Variants in RIPOR2 observed in about 807,000 individuals in gnomAD.
RIPOR2 encodes RHO family interacting cell polarization regulator 2, also known as rho family-interacting cell polarization regulator 2.
In RIPOR2, 39 loss-of-function variants were observed where a neutral mutation model predicts 114.5. The ratio of observed to expected loss-of-function variants is 0.34; its 90% CI spans 0.26 to 0.44. The LOEUF (loss-of-function observed/expected upper bound fraction) is 0.44. Ranked by LOEUF, RIPOR2 falls within the 20% of genes least tolerant of loss-of-function variation. RIPOR2 has a pLI of 1.00. For synonymous variants in RIPOR2, 445 were observed against 484.4 expected, an observed-to-expected ratio of 0.92 and a Z score of 1.07; for missense variants, 1,007 against 1,255.1, an observed-to-expected ratio of 0.80 and a Z score of 2.99.
Position 25,035,411 on chromosome 6 carries a change from A to C in RIPOR2, c.76+6440T>G, listed in dbSNP as rs997779554. 9.2e-4 allele frequency among the ~76,000 whole-genome samples: 140 copies of C among 152,322 alleles called. 2 individuals are homozygous for C. The highest frequency in any genetic ancestry group is 3.2e-3 in the African/African-American group (132 of 41,580). On this transcript the variant is annotated intron_variant, in intron 1 of 13. Transcript: ENST00000510784. ...GGTATATCCTTCTCCACTTCAGAGCAGAGAAGCCCAGCCTGAAGCCTAAAA... is the reference window on the plus strand; with the variant it reads ...GGTATATCCTTCTCCACTTCAGAGCCGAGAAGCCCAGCCTGAAGCCTAAAA...
chr6:25,022,531 CATTTTTTTTTT>C (rs1325970433), intron 1 of RIPOR2, among the ~76,000 whole-genome samples: 3 of 64,508 alleles, frequency 4.7e-5, no homozygotes, highest in Admixed American at 1.8e-4. Context: ...TGGTACCTTC[CATTTTTTTTTT>C]TTTTTTTTTT....
chr6:24,967,573 C>T (rs1044406777), intron 1 of RIPOR2, among the ~76,000 whole-genome samples: 3 of 152,154 alleles, frequency 2.0e-5, no homozygotes, highest in African/African-American at 4.8e-5. Context: ...GTGCATTTCC[C>T]ATATGACTGT....
chr6:24,866,368 C>T (rs1764601250), intron 6 of RIPOR2, among the ~76,000 whole-genome samples: 1 of 152,068 alleles, frequency 6.6e-6, no homozygotes, highest in Non-Finnish European at 1.5e-5. Context: ...GGCAGTGATT[C>T]TCAATCAACC....
chr6:24,997,640 C>T (rs1775103902), intron 1 of RIPOR2, among the ~76,000 whole-genome samples: 1 of 152,144 alleles, frequency 6.6e-6, no homozygotes, highest in African/African-American at 2.4e-5. Flanking sequence ...TTCCTACTGC[C>T]ACAGTATATA....
chr6:25,029,422 A>AAG (rs1258584397), intron 1 of RIPOR2, among the ~76,000 whole-genome samples: 1 of 151,148 alleles, frequency 6.6e-6, no homozygotes, highest in Non-Finnish European at 1.5e-5. Context: ...AAAAAAAAAA[A>AAG]AAAAAAAAAA....
intron 1 of RIPOR2, among the ~76,000 whole-genome samples, chr6:25,032,375 C>T (rs1777031830): frequency 1.3e-5 from 2 of 152,066 alleles, no homozygotes; most frequent in South Asian, 4.1e-4. Context: ...CTTTCCATCC[C>T]ACCCTGTAAT....
intron 7 of RIPOR2, among the ~76,000 whole-genome samples, chr6:24,864,824 C>T (rs1764420400): frequency 6.6e-6 from 1 of 152,180 alleles, no homozygotes; most frequent in South Asian, 2.1e-4. Context: ...ACACTGACAT[C>T]CAGTGTAGCT....
rs73384172 is a variant in RIPOR2 at position 25,035,179 on chromosome 6, G to T, written c.76+6672C>A. 5.0e-3 allele frequency among the ~76,000 whole-genome samples: 768 copies of T among 152,288 alleles called. 9 individuals are homozygous for T. Among genetic ancestry groups the T allele is most frequent in the African/African-American group, 0.015 (642 of 41,574 alleles). ...AACCCAGGCTTTGTGGGGCCCAGCC[G>T]CCTGTTGTCTGGGATGAGGCTGTTA... On this transcript the variant is annotated intron_variant, in intron 1 of 13. Coordinates refer to the RIPOR2 transcript ENST00000510784.
rs9467355 is a variant in RIPOR2 at position 24,944,611 on chromosome 6, C to A, written c.77-68794G>T. The stretch of plus-strand genomic sequence containing the variant: ...TCTATACACAGGAAAAATAAACAAT[C>A]AATAGGAAGTCCCTAATGAAGCCCA... On this transcript the variant is annotated intron_variant, in intron 1 of 13. Transcript: ENST00000510784. Among the ~76,000 whole-genome samples the A allele has an allele frequency of 7.1e-3, 1,080 of 152,086 alleles. 45 individuals are homozygous for A. The highest frequency in any genetic ancestry group is 0.063 in the Admixed American group (956 of 15,282).
chr6:25,000,530 TAC>T (rs1319475776), intron 1 of RIPOR2, among the ~76,000 whole-genome samples: 20 of 152,354 alleles, frequency 1.3e-4, no homozygotes, highest in Admixed American at 1.0e-3. Flanking sequence ...TATTTTAATC[TAC>T]AGTTAATGCA....
chr6:24,969,061 G>A (rs946596951), intron 1 of RIPOR2, among the ~76,000 whole-genome samples: 3 of 152,106 alleles, frequency 2.0e-5, no homozygotes, highest in Admixed American at 2.0e-4. Flanking sequence ...TTGTGAAAAA[G>A]CCCTTAGGTA....
At chr6:24,882,429 C>T (rs974246261) in intron 1 of RIPOR2, among the ~76,000 whole-genome samples, 3 of 152,158 alleles carry the variant, frequency 2.0e-5, no homozygotes, top group African/African-American at 7.2e-5. Context: ...ATTGATTAAC[C>T]TGTAAGGCAA....
chr6:24,886,413 A>G (rs1435304919), intron 1 of RIPOR2, among the ~76,000 whole-genome samples: 4 of 152,222 alleles, frequency 2.6e-5, no homozygotes, highest in African/African-American at 9.6e-5. Context: ...AATTGTCCCA[A>G]TAATGTTCCA....
intron 1 of RIPOR2, among the ~76,000 whole-genome samples, chr6:24,964,511 A>G (rs935270018): frequency 2.0e-5 from 3 of 152,198 alleles, no homozygotes; most frequent in African/African-American, 7.2e-5. Flanking sequence ...ATGGCTGGAT[A>G]TATACCATAG....
chr6:24,963,950 G>T (rs1773413014), intron 1 of RIPOR2, among the ~76,000 whole-genome samples: 1 of 151,964 alleles, frequency 6.6e-6, no homozygotes, highest in Non-Finnish European at 1.5e-5. Context: ...TTTGAGACAG[G>T]TTCTCTCAGG....
intron 1 of RIPOR2, among the ~76,000 whole-genome samples, chr6:24,962,875 T>C (rs945603840): frequency 2.0e-5 from 3 of 152,166 alleles, no homozygotes; most frequent in Non-Finnish European, 4.4e-5. Flanking sequence ...ATTCAGTGAT[T>C]GGAAGTGGAA....
chr6:24,959,382 T>C (rs917044501), intron 1 of RIPOR2, among the ~76,000 whole-genome samples: 1 of 151,890 alleles, frequency 6.6e-6, no homozygotes, highest in Non-Finnish European at 1.5e-5. Flanking sequence ...ATCTGTGATG[T>C]CCATGACAGG....
At chr6:24,897,988 C>T (rs993873397) in intron 1 of RIPOR2, among the ~76,000 whole-genome samples, 3 of 151,416 alleles carry the variant, frequency 2.0e-5, no homozygotes, top group Non-Finnish European at 4.4e-5. Context: ...TGAGCCATTG[C>T]ACTCCAGCCT....
chr6:24,975,074 T>G, intron 1 of RIPOR2, among the ~76,000 whole-genome samples: 1 of 152,318 alleles, frequency 6.6e-6, no homozygotes, highest in Middle Eastern at 3.4e-3. Flanking sequence ...ATCATGGTGA[T>G]AGTAGTACAG....
Sources: allele counts gnomAD v4.1 joint callset (sites outside exome capture counted in the v4.1 genomes callset), GRCh38; gene constraint gnomAD v4.1.1; transcripts MANE v1.5; gene names NCBI Gene and HGNC (gene_info 2026-07-23, HGNC 2026-07-21).